Variants in EIF4G3 observed in about 807,000 individuals in gnomAD.
EIF4G3 encodes the protein eIF-4-gamma 3.
In EIF4G3, 34 loss-of-function variants were observed where a neutral mutation model predicts 186.4. The observed-to-expected ratio is 0.18, with a 90% CI of 0.14 to 0.24. EIF4G3 has a LOEUF of 0.24. Among genes scored for constraint, EIF4G3 ranks in the 10% least tolerant of loss-of-function variants. EIF4G3 has a pLI of 1.00. For synonymous variants in EIF4G3, 673 were observed against 679.5 expected, an observed-to-expected ratio of 0.99 and a Z score of 0.15; for missense variants, 1,536 against 1,948.5, an observed-to-expected ratio of 0.79 and a Z score of 3.99.
At chr1:20,817,289 AAAATAAAAATTC>A in intron 34 of EIF4G3, 91 bp downstream of exon 34, 1 of 295,658 alleles carries the variant, frequency 3.4e-6, no homozygotes, top group Non-Finnish European at 5.1e-6. Context: ...AAAAAAAATA[AAAATAAAAATTC>A]ATGAAGTGAA....
intron 2 of EIF4G3, among the ~76,000 whole-genome samples, chr1:21,126,066 T>C (rs1025565518): frequency 6.6e-6 from 1 of 151,092 alleles, no homozygotes; most frequent in Non-Finnish European, 1.5e-5. Context: ...TAGGCAGGCG[T>C]GGTGGTGGCA....
chr1:21,150,967 C>A (rs1293408265), intron 2 of EIF4G3, among the ~76,000 whole-genome samples: 1 of 152,172 alleles, frequency 6.6e-6, no homozygotes, highest in African/African-American at 2.4e-5. Flanking sequence ...CAGAGTGAGA[C>A]TCCGTCTCTA....
intron 33 of EIF4G3, among the ~76,000 whole-genome samples, chr1:20,820,657 G>A (rs1309381951): frequency 6.6e-6 from 1 of 152,118 alleles, no homozygotes; most frequent in African/African-American, 2.4e-5. Flanking sequence ...GGACCAATTG[G>A]CATGCATTTC....
chr1:20,993,859 T>C (rs1330164586), intron 7 of EIF4G3, among the ~76,000 whole-genome samples: 1 of 152,206 alleles, frequency 6.6e-6, no homozygotes, highest in East Asian at 1.9e-4. Context: ...TACCACTCAA[T>C]GTTTGTTTCC....
chr1:20,858,119 C>T lies in EIF4G3; in HGVS notation c.3245-622G>A, dbSNP rs539900505. ...CGTGTTTTGGCCTTCCTGCTTCTACCTTCAGCTGTGCTCATCATGGCAGCC... is the reference window on the plus strand; with the variant it reads ...CGTGTTTTGGCCTTCCTGCTTCTACTTTCAGCTGTGCTCATCATGGCAGCC... On this transcript the variant is annotated intron_variant, in intron 24 of 36. Transcript: ENST00000602326. Among the ~76,000 whole-genome samples, 3 of 152,344 alleles carry T rather than the reference C, an allele frequency of 2.0e-5. No homozygotes were observed. The East Asian group carries it at 5.8e-4, about 29-fold the overall frequency.
intron 34 of EIF4G3, among the ~76,000 whole-genome samples, chr1:20,816,211 G>C (rs1486562177): frequency 1.2e-5 from 1 of 83,100 alleles, no homozygotes; most frequent in East Asian, 4.3e-4. Flanking sequence ...CAGCCGCCCC[G>C]TCCGGGAGGG....
chr1:21,167,453 G>C (rs1013276885), intron 2 of EIF4G3, among the ~76,000 whole-genome samples: 4 of 152,120 alleles, frequency 2.6e-5, no homozygotes, highest in Non-Finnish European at 4.4e-5. Context: ...TGGATCACCT[G>C]AGATGAAGAG....
intron 2 of EIF4G3, among the ~76,000 whole-genome samples, chr1:21,133,354 A>G (rs913641231): frequency 6.6e-6 from 1 of 152,030 alleles, no homozygotes; most frequent in Non-Finnish European, 1.5e-5. Flanking sequence ...CCTCCGGAGT[A>G]GCTGGGACTA....
rs534126613 is a variant in EIF4G3 at position 20,851,248 on chromosome 1, A to C, written c.3772+10T>G. On this transcript the variant is annotated intron_variant, in intron 28 of 36. Coordinates refer to ENST00000602326, the MANE Select transcript of EIF4G3 (RefSeq NM_001391906.1). ...CCCAAATCTGCATCTGTTTAAGCCA[A>C]GTCTCTCACCTGACTCCCTTGTTTT... 6 of 1,613,534 alleles carry C rather than the reference A, an allele frequency of 3.7e-6. No homozygotes were observed. The African/African-American group carries it at 8.0e-5, about 22-fold the overall frequency.
At chr1:20,961,860 T>A (rs1485288930) in intron 12 of EIF4G3, among the ~76,000 whole-genome samples, 1 of 152,192 alleles carries the variant, frequency 6.6e-6, no homozygotes, top group Admixed American at 6.5e-5. Flanking sequence ...AAGAAAAATA[T>A]AATTTAATTT....
chr1:20,855,248 G>GC (rs1162634900), intron 25 of EIF4G3, among the ~76,000 whole-genome samples, 177 bp from the exon 26 acceptor site: 3 of 152,054 alleles, frequency 2.0e-5, no homozygotes, highest in Non-Finnish European at 2.9e-5. Flanking sequence ...GATCCATGTG[G>GC]CCCCTGAAGC....
At chr1:20,923,698 GCA>G (rs1372931572) in intron 14 of EIF4G3, among the ~76,000 whole-genome samples, 1 of 151,644 alleles carries the variant, frequency 6.6e-6, no homozygotes, top group East Asian at 1.9e-4. Flanking sequence ...AGACTGCAAA[GCA>G]CAGAGAAATT....
intron 11 of EIF4G3, among the ~76,000 whole-genome samples, chr1:20,970,370 T>C (rs1395826554): frequency 6.6e-6 from 1 of 151,902 alleles, no homozygotes; most frequent in African/African-American, 2.4e-5. Context: ...TCCCAGCACT[T>C]TGGGAGGCTG....
Position 21,138,235 on chromosome 1 carries a change from C to T in EIF4G3, c.-272+37940G>A, listed in dbSNP as rs1167566795. On this transcript the variant is annotated intron_variant, in intron 2 of 36. Coordinates refer to ENST00000602326, the MANE Select transcript of EIF4G3 (RefSeq NM_001391906.1). Reference sequence around the variant, plus strand: ...AATGCAATCCATTTAAATGACCTGTCCATCCATATTTATAGAATCAGTCCC... The same window carrying T: ...AATGCAATCCATTTAAATGACCTGTTCATCCATATTTATAGAATCAGTCCC... Among the ~76,000 whole-genome samples, 13 of 152,280 alleles carry T rather than the reference C, an allele frequency of 8.5e-5. No homozygotes were observed. In the South Asian group the frequency reaches 1.9e-3, roughly 22 times the overall value.
chr1:20,849,398 T>G lies in EIF4G3; in HGVS notation c.3888+17A>C. On this transcript the variant is annotated intron_variant, in intron 29 of 36. Transcript: ENST00000602326. ...AAGGACTTACTGTGTGTGTGTTTTTTTTTTAATCTCATTTACCTTAAAATC... is the reference window on the plus strand; with the variant it reads ...AAGGACTTACTGTGTGTGTGTTTTTGTTTTAATCTCATTTACCTTAAAATC... The G allele has an allele frequency of 7.2e-7, 1 of 1,379,328 alleles. No homozygotes were observed. The highest frequency in any genetic ancestry group is 9.9e-7 in the Non-Finnish European group (1 of 1,007,062). The allele number at this position is 1,379,328 out of a possible 1,614,324, so 85.4% of individuals were successfully genotyped here.
chr1:20,834,017 A>G (rs2066020118), intron 30 of EIF4G3, among the ~76,000 whole-genome samples: 1 of 152,232 alleles, frequency 6.6e-6, no homozygotes, highest in African/African-American at 2.4e-5. Flanking sequence ...TGCTACCACA[A>G]TTGAAAGTGG....
At chr1:20,990,905 G>A (rs1171038605) in intron 7 of EIF4G3, among the ~76,000 whole-genome samples, 1 of 152,170 alleles carries the variant, frequency 6.6e-6, no homozygotes, top group Non-Finnish European at 1.5e-5. Flanking sequence ...TACAAAATAT[G>A]CTTCAGTATA....
intron 15 of EIF4G3, among the ~76,000 whole-genome samples, chr1:20,902,727 G>A (rs1001508459): frequency 1.3e-5 from 2 of 152,106 alleles, no homozygotes; most frequent in African/African-American, 2.4e-5. Context: ...TGCAACCTCC[G>A]CCTTCTGGGT....
chr1:20,808,558 G>A (rs924553013), intron 36 of EIF4G3, among the ~76,000 whole-genome samples: 19 of 152,182 alleles, frequency 1.2e-4, no homozygotes, highest in African/African-American at 4.1e-4. Context: ...GCGGGTGCCT[G>A]TAGTCTCAGC....
Sources: allele counts gnomAD v4.1 joint callset (sites outside exome capture counted in the v4.1 genomes callset), GRCh38; gene constraint gnomAD v4.1.1; transcripts MANE v1.5; gene names NCBI Gene and HGNC (gene_info 2026-07-23, HGNC 2026-07-21).